OPRM1: variants seen among roughly 807,000 people sequenced by gnomAD.
OPRM1 encodes the protein mu-type opioid receptor.
Under a neutral mutation model 31.8 loss-of-function variants are expected in OPRM1, and 27 were observed. The ratio of observed to expected loss-of-function variants is 0.85; its 90% CI spans 0.63 to 1.17. OPRM1 has a LOEUF of 1.17. Among genes scored for constraint, OPRM1 ranks in the 50% most tolerant of loss-of-function variants. The pLI is 0.00. For missense variants in OPRM1, 536 were observed against 511.1 expected, an observed-to-expected ratio of 1.05 and a Z score of -0.47; for synonymous variants, 196 against 189.9, an observed-to-expected ratio of 1.03 and a Z score of -0.26.
At chr6:154,150,682 G>T (rs529078849) in intron 3 of OPRM1, among the ~76,000 whole-genome samples, 5 of 152,258 alleles carry the variant, frequency 3.3e-5, no homozygotes, top group Admixed American at 1.3e-4. Context: ...TTCTTTACCC[G>T]CACATCCCCA....
At chr6:154,113,605 A>G (rs1796566054) in intron 3 of OPRM1, among the ~76,000 whole-genome samples, 1 of 152,192 alleles carries the variant, frequency 6.6e-6, no homozygotes, top group Non-Finnish European at 1.5e-5. Flanking sequence ...ATGAATCAGT[A>G]TGAGCTGTCT....
chr6:154,228,025 C>T (rs752760917), intron 3 of OPRM1, among the ~76,000 whole-genome samples: 4 of 151,986 alleles, frequency 2.6e-5, no homozygotes, highest in East Asian at 1.9e-4. Context: ...TCACAGAGGG[C>T]AAATCTTGAG....
chr6:154,058,350 A>G (rs1342743929), intron 1 of OPRM1, among the ~76,000 whole-genome samples: 2 of 152,194 alleles, frequency 1.3e-5, no homozygotes, highest in Non-Finnish European at 2.9e-5. Context: ...TTAAAACAGA[A>G]TATATTGGGT....
intron 1 of OPRM1, among the ~76,000 whole-genome samples, chr6:154,054,367 C>CAAA (rs1194794442): frequency 1.5e-3 from 82 of 52,986 alleles, no homozygotes; most frequent in African/African-American, 3.7e-3. Context: ...GACTCCGTCT[C>CAAA]AAAAAAAAAA....
intron 1 of OPRM1, among the ~76,000 whole-genome samples, chr6:154,052,907 T>C (rs188076155): frequency 6.9e-4 from 105 of 152,238 alleles, no homozygotes; most frequent in African/African-American, 2.4e-3. Flanking sequence ...AACACAAATA[T>C]GAAGTTACCA....
intron 1 of OPRM1, among the ~76,000 whole-genome samples, chr6:154,066,093 C>T (rs1025625928): frequency 6.6e-6 from 1 of 152,100 alleles, no homozygotes; most frequent in Non-Finnish European, 1.5e-5. Context: ...CATGTTGAAC[C>T]ATCCTTTCAT....
intron 3 of OPRM1, among the ~76,000 whole-genome samples, chr6:154,111,890 T>A (rs1254581099): frequency 6.6e-6 from 1 of 152,050 alleles, no homozygotes; most frequent in Non-Finnish European, 1.5e-5. Flanking sequence ...CTCAGCTTCC[T>A]GAGTAGCTGG....
chr6:154,023,232 CT>C (rs150610912), intron 1 of OPRM1, among the ~76,000 whole-genome samples: 12 of 151,922 alleles, frequency 7.9e-5, no homozygotes, highest in Non-Finnish European at 1.8e-4. Flanking sequence ...TCTTTTATTA[CT>C]TTTTTTATAG....
At chr6:154,098,404 C>T (rs584709) in intron 3 of OPRM1, among the ~76,000 whole-genome samples, 107,576 of 152,126 alleles carry the variant, frequency 0.71, 38,355 homozygotes, top group East Asian at 0.9. Context: ...TGCTATTTTA[C>T]AGCCATTTTT....
chr6:154,230,497 G>A (rs1779633874), intron 3 of OPRM1, among the ~76,000 whole-genome samples: 1 of 152,164 alleles, frequency 6.6e-6, no homozygotes, highest in African/African-American at 2.4e-5. Flanking sequence ...CGTACCACAA[G>A]TATTTTGGAA....
At chr6:154,160,220 A>G (rs1798895900) in intron 3 of OPRM1, among the ~76,000 whole-genome samples, 1 of 152,262 alleles carries the variant, frequency 6.6e-6, no homozygotes, top group African/African-American at 2.4e-5. Flanking sequence ...TGCATACGCT[A>G]GCCGCAAAGA....
chr6:154,062,239 G>A (rs762338630), intron 1 of OPRM1, among the ~76,000 whole-genome samples: 3 of 152,080 alleles, frequency 2.0e-5, no homozygotes, highest in Non-Finnish European at 4.4e-5. Flanking sequence ...AGATGATCCT[G>A]AAAAGTAATA....
chr6:154,096,721 G>A (rs75661797), intron 3 of OPRM1, among the ~76,000 whole-genome samples: 2,303 of 152,220 alleles, frequency 0.015, 51 homozygotes, highest in African/African-American at 0.053. Context: ...GCCAGGAAGA[G>A]GTAGAATCCA....
chr6:154,182,899 G>A (rs1483574951), intron 3 of OPRM1, among the ~76,000 whole-genome samples: 1 of 152,150 alleles, frequency 6.6e-6, no homozygotes, highest in East Asian at 1.9e-4. Context: ...AGAACAGGGA[G>A]GCAAGAGAAA....
rs1797596807 is a variant in OPRM1, at chr6:154,126,548, T to C, written c.*7827T>C. On this transcript the variant is annotated 3_prime_UTR_variant, in exon 4 of 4. Transcript: ENST00000330432. ...TTCCCTCAGGAGCTGGGTTTCTGGGTTGCAGAAGTGCTTTTCATATTCTGT... is the reference window on the plus strand; with the variant it reads ...TTCCCTCAGGAGCTGGGTTTCTGGGCTGCAGAAGTGCTTTTCATATTCTGT... 6.6e-6 allele frequency among the ~76,000 whole-genome samples: 1 copy of C among 152,204 alleles called. No homozygotes were observed. The highest frequency in any genetic ancestry group is 2.4e-5 in the African/African-American group (1 of 41,456).
At chr6:154,228,112 T>C (rs1779412294) in intron 3 of OPRM1, among the ~76,000 whole-genome samples, 1 of 152,140 alleles carries the variant, frequency 6.6e-6, no homozygotes, top group South Asian at 2.1e-4. Context: ...CCTATTATAT[T>C]AACTAAAATA....
intron 1 of OPRM1, among the ~76,000 whole-genome samples, chr6:154,086,039 G>T (rs758863990): frequency 6.6e-6 from 1 of 151,938 alleles, no homozygotes; most frequent in Non-Finnish European, 1.5e-5. Context: ...GTAGAGACAG[G>T]GTTGACCAGG....
Position 154,157,979 on chromosome 6 carries a change from A to G in OPRM1, c.1164+66507A>G, listed in dbSNP as rs375131974. ...CTTCCCTAGGTGGAGAAGTACCCAC[A>G]TGTTTGCTGGGCCAAACTGACTGGC... On this transcript the variant is annotated intron_variant, in intron 3 of 3. Transcript: ENST00000337049. 6 of 152,260 alleles carry G rather than the reference A, an allele frequency of 3.9e-5. No individual in the cohort carries two copies. In the East Asian group the frequency reaches 7.7e-4, roughly 20 times the overall value. 9.4% of individuals were successfully genotyped at this position (152,260 alleles called of 1,614,324 possible). A position where few individuals can be genotyped will look rare whatever the true frequency, so the allele number is the denominator to read the frequency against.
intron 1 of OPRM1, among the ~76,000 whole-genome samples, chr6:154,059,013 C>T (rs1043343606): frequency 2.6e-5 from 4 of 152,158 alleles, no homozygotes; most frequent in Admixed American, 2.6e-4. Context: ...TATTCAATTG[C>T]ATCAAGGAGA....
Sources: allele counts gnomAD v4.1 joint callset (sites outside exome capture counted in the v4.1 genomes callset), GRCh38; gene constraint gnomAD v4.1.1; transcripts MANE v1.5; gene names NCBI Gene and HGNC (gene_info 2026-07-23, HGNC 2026-07-21).